Variants in CCDC171 observed in about 807,000 individuals in gnomAD.
The protein encoded by CCDC171 is coiled-coil domain containing 171, also known as coiled-coil domain-containing protein 171.
CCDC171 carries 177 observed loss-of-function variants against 168.2 expected under a neutral mutation model. The ratio of observed to expected loss-of-function variants is 1.05; its 90% CI spans 0.93 to 1.19. The LOEUF (loss-of-function observed/expected upper bound fraction) is 1.19, where lower values mean the gene tolerates loss of function less well. Ranked by LOEUF, CCDC171 falls within the 50% of genes most tolerant of loss-of-function variation. The pLI is 0.00. For synonymous variants in CCDC171, 687 were observed against 540.8 expected (o/e 1.27, Z -3.75); for missense variants, 1,991 against 1,539.0 (o/e 1.29, Z -4.91).
At chr9:15,613,171 A>G (rs188956339) in intron 6 of CCDC171, among the ~76,000 whole-genome samples, 249 of 152,286 alleles carry the variant, frequency 1.6e-3, no homozygotes, top group Admixed American at 2.7e-3. Flanking sequence ...AGTATGAGTA[A>G]TGTTTGAGAG....
At chr9:15,740,680 T>A (rs1421692212) in intron 16 of CCDC171, among the ~76,000 whole-genome samples, 1 of 152,180 alleles carries the variant, frequency 6.6e-6, no homozygotes, top group African/African-American at 2.4e-5. Flanking sequence ...TCTCAGGTGA[T>A]CCACCCGCCT....
At position 15,724,992 on chromosome 9, in the gene CCDC171, CAA is replaced by C; in HGVS notation, c.1692+17_1692+18del. 1 of 1,590,894 alleles carries C rather than the reference CAA, an allele frequency of 6.3e-7. No homozygotes were observed. The highest frequency in any genetic ancestry group is 8.6e-7 in the Non-Finnish European group (1 of 1,159,154). ...GGATGCAGAGGTATTACCTGAGACT[CAA>C]TGACTGTCAGGAAGGGCCTTTCACT... is the stretch of plus-strand genomic sequence containing the variant. On this transcript the variant is annotated intron_variant, in intron 14 of 25. Transcript: ENST00000380701.
At chr9:15,801,656 T>C (rs115166224) in intron 21 of CCDC171, among the ~76,000 whole-genome samples, 2 of 152,008 alleles carry the variant, frequency 1.3e-5, no homozygotes, top group Non-Finnish European at 2.9e-5. Context: ...TACTATGTCA[T>C]GTAACAGTGG....
At chr9:15,926,058 T>C (rs918697586) in intron 25 of CCDC171, among the ~76,000 whole-genome samples, 2 of 133,480 alleles carry the variant, frequency 1.5e-5, no homozygotes, top group Admixed American at 7.8e-5. Context: ...ATCACAAAAA[T>C]AGGCATATAA....
At position 15,691,544 on chromosome 9, in the gene CCDC171, T is replaced by TA. The variant is rs1554762170; in HGVS notation, c.1216-3691_1216-3690insA. Among the ~76,000 whole-genome samples the TA allele has an allele frequency of 3.1e-3, 274 of 87,744 alleles. 5 individuals carry two copies. The highest frequency in any genetic ancestry group is 0.014 in the African/African-American group (255 of 18,634). 57.6% of individuals were successfully genotyped at this position (87,744 alleles called of 152,430 possible). ...TTAAAAATACCTGTAAATATATGTTTTTTATATATATATATATATATATAT... is the reference window on the plus strand; with the variant it reads ...TTAAAAATACCTGTAAATATATGTTTATTTATATATATATATATATATATAT... On this transcript the variant is annotated intron_variant, in intron 10 of 25. Coordinates refer to ENST00000380701, the MANE Select transcript of CCDC171 (RefSeq NM_173550.4).
intron 7 of CCDC171, among the ~76,000 whole-genome samples, chr9:15,638,748 A>T (rs969129728): frequency 6.6e-6 from 1 of 151,776 alleles, no homozygotes; most frequent in Non-Finnish European, 1.5e-5. Flanking sequence ...ACATGGATCA[A>T]TGCTTTCTTA....
chr9:16,067,949 C>T, the CCDC171 span, among the ~76,000 whole-genome samples: 2 of 152,064 alleles, frequency 1.3e-5, no homozygotes, highest in African/African-American at 4.8e-5. Flanking sequence ...GTTGGAAGTT[C>T]TGTCCAGGGC....
At chr9:15,584,616 G>T (rs540102685) in intron 4 of CCDC171, among the ~76,000 whole-genome samples, 38 of 152,304 alleles carry the variant, frequency 2.5e-4, no homozygotes, top group African/African-American at 8.9e-4. Context: ...GTAGGTCAGA[G>T]AGGCGACCTT....
At chr9:15,720,388 A>G (rs1173240918) in intron 11 of CCDC171, among the ~76,000 whole-genome samples, 2 of 152,190 alleles carry the variant, frequency 1.3e-5, no homozygotes, top group African/African-American at 4.8e-5. Flanking sequence ...TAAATTCTAT[A>G]AAGACAGAGG....
chr9:16,095,869 CATATATATATATATATAT>C, the CCDC171 span, among the ~76,000 whole-genome samples: 1 of 123,842 alleles, frequency 8.1e-6, no homozygotes, highest in Non-Finnish European at 1.7e-5. Context: ...CACATAGGCA[CATATATATATATATATAT>C]ATATATATAT....
Position 15,784,700 on chromosome 9 carries a change from A to G in CCDC171, c.3267+6A>G, listed in dbSNP as rs769085879. On this transcript the variant is annotated splice_donor_region_variant and intron_variant, in intron 21 of 25. Coordinates refer to ENST00000380701, the MANE Select transcript of CCDC171 (RefSeq NM_173550.4). Reference sequence around the variant, plus strand: ...CTCTTGGAGAAGCTGTTAAGGTAAGAGAATAAAGGGATATTTGCATAAAGG... The same window carrying G: ...CTCTTGGAGAAGCTGTTAAGGTAAGGGAATAAAGGGATATTTGCATAAAGG... The G allele has an allele frequency of 6.2e-7, 1 of 1,603,670 alleles. No individual in the cohort carries two copies. The highest frequency in any genetic ancestry group is 8.5e-7 in the Non-Finnish European group (1 of 1,172,368).
chr9:15,575,764 A>C (rs2040601110), intron 3 of CCDC171, among the ~76,000 whole-genome samples: 1 of 152,240 alleles, frequency 6.6e-6, no homozygotes, highest in African/African-American at 2.4e-5. Flanking sequence ...GAGTATCATC[A>C]ATAGAAATCA....
chr9:15,734,511 C>G (rs1588196154), intron 16 of CCDC171, among the ~76,000 whole-genome samples: 1 of 152,200 alleles, frequency 6.6e-6, no homozygotes, highest in South Asian at 2.1e-4. Flanking sequence ...TCACTCCAGC[C>G]TGGGCGAAAC....
At chr9:15,762,636 T>G (rs180983982) in intron 18 of CCDC171, among the ~76,000 whole-genome samples, 92 of 152,312 alleles carry the variant, frequency 6.0e-4, no homozygotes, top group Non-Finnish European at 1.5e-4. Context: ...GACATAGGAC[T>G]TTTTCTTTTA....
chr9:15,765,258 T>A (rs1173775609), intron 18 of CCDC171, among the ~76,000 whole-genome samples: 1 of 152,094 alleles, frequency 6.6e-6, no homozygotes, highest in African/African-American at 2.4e-5. Context: ...GCAGGTACAT[T>A]GAGTTGGAGC....
At chr9:15,856,922 C>A (rs968478287) in intron 23 of CCDC171, among the ~76,000 whole-genome samples, 1 of 151,856 alleles carries the variant, frequency 6.6e-6, no homozygotes, top group Non-Finnish European at 1.5e-5. Context: ...TGAGGTGATA[C>A]CTCATTGTGG....
At chr9:15,680,790 A>G (rs961757580) in intron 10 of CCDC171, among the ~76,000 whole-genome samples, 1 of 152,188 alleles carries the variant, frequency 6.6e-6, no homozygotes, top group African/African-American at 2.4e-5. Context: ...GGAGAAAAAT[A>G]TATCAGGGTC....
intron 24 of CCDC171, among the ~76,000 whole-genome samples, chr9:15,888,570 C>G (rs1257969983): frequency 6.6e-6 from 1 of 152,108 alleles, no homozygotes; most frequent in African/African-American, 2.4e-5. Context: ...TCCTCTGAAA[C>G]TAGCAGAATA....
chr9:16,092,331 G>A, the CCDC171 span, among the ~76,000 whole-genome samples: 3 of 152,216 alleles, frequency 2.0e-5, no homozygotes, highest in Non-Finnish European at 4.4e-5. Flanking sequence ...TCGAAATGCA[G>A]ATTCCAGGCT....
Sources: allele counts gnomAD v4.1 joint callset (sites outside exome capture counted in the v4.1 genomes callset), GRCh38; gene constraint gnomAD v4.1.1; transcripts MANE v1.5; gene names NCBI Gene and HGNC (gene_info 2026-07-23, HGNC 2026-07-21).